The following SLC7A6OS variants were observed in gnomAD, a reference collection of about 807,000 sequenced individuals.
The protein encoded by SLC7A6OS is solute carrier family 7 member 6 opposite strand.
A neutral mutation model predicts 34.3 loss-of-function variants in SLC7A6OS; 22 were observed. The ratio of observed to expected loss-of-function variants is 0.64; its 90% CI spans 0.46 to 0.92. SLC7A6OS has a LOEUF of 0.92. Among genes scored for constraint, SLC7A6OS ranks in the 40% least tolerant of loss-of-function variants. The pLI, the probability that SLC7A6OS is intolerant of heterozygous loss-of-function variation, is 0.00. For missense variants in SLC7A6OS, 434 were observed against 407.7 expected (o/e 1.06, Z -0.56); for synonymous variants, 199 against 165.0 (o/e 1.21, Z -1.58).
rs766418541 is a variant in SLC7A6OS at position 68,302,461 on chromosome 16, T to A, written c.719A>T (p.Glu240Val). The change falls in exon 4 of 5, where the codon GAA (glutamate) becomes GTA (valine). Residue 240 changes from glutamate (E) to valine (V), a missense_variant. Physicochemically the swap from Glu to Val is moderately radical, Grantham distance 121. Coordinates refer to ENST00000263997, the MANE Select transcript of SLC7A6OS (RefSeq NM_032178.3). ...DQEPEDIYDD[E>V]DDENSENNWR... ...GTTATTCTCACTGTTCTCGTCATCT[T>A]CATCGTCGTAAATGTCCTCTGGTTC... 6.2e-7 allele frequency: 1 copy of A among 1,614,204 alleles called. No individual in the cohort carries two copies. The highest frequency in any genetic ancestry group is 8.5e-7 in the Non-Finnish European group (1 of 1,180,030).
chr16:68,309,031 A>G (rs1209221200), intron 2 of SLC7A6OS, among the ~76,000 whole-genome samples: 1 of 151,208 alleles, frequency 6.6e-6, no homozygotes, highest in Non-Finnish European at 1.5e-5. Context: ...TAGCCTGGGC[A>G]ACAGAGTGAG....
At chr16:68,304,310 G>A in intron 2 of SLC7A6OS, 78 bp from the exon 3 acceptor site, 1 of 1,310,582 alleles carries the variant, frequency 7.6e-7, no homozygotes, top group Non-Finnish European at 1.1e-6. Flanking sequence ...TATGAGTTGG[G>A]TGAAGGAAGG....
chr16:68,300,861 C>G lies in SLC7A6OS; in HGVS notation c.*414G>C, dbSNP rs746275708. On this transcript the variant is annotated 3_prime_UTR_variant, in exon 5 of 5. Coordinates refer to ENST00000263997, the MANE Select transcript of SLC7A6OS (RefSeq NM_032178.3). ...CCCTTTTAGATTCTATCAAAAGGAA[C>G]AGGGTTTTCCTAGAGGCAGGCAGCC... The G allele has an allele frequency of 3.0e-6, 3 of 988,688 alleles. No homozygotes were observed. The highest frequency in any genetic ancestry group is 3.6e-6 in the Non-Finnish European group (3 of 832,220). 61.2% of individuals were successfully genotyped at this position (988,688 alleles called of 1,614,324 possible).
intron 2 of SLC7A6OS, among the ~76,000 whole-genome samples, chr16:68,309,724 A>G (rs1373160034): frequency 6.6e-6 from 1 of 152,128 alleles, no homozygotes; most frequent in East Asian, 1.9e-4. Context: ...CTCTTTGATC[A>G]ATTTTCCTAC....
intron 3 of SLC7A6OS, 102 bp downstream of exon 3, chr16:68,303,924 A>C: frequency 1.9e-6 from 2 of 1,051,838 alleles, no homozygotes; most frequent in Non-Finnish European, 2.8e-6. Context: ...AAAAGAACTA[A>C]GGACAATGTT....
Position 68,310,422 on chromosome 16 carries a change from T to C in SLC7A6OS, c.384A>G (p.Pro128=). 1.2e-6 allele frequency: 2 copies of C among 1,609,928 alleles called. No homozygotes were observed. The highest frequency in any genetic ancestry group is 1.1e-5 in the South Asian group (1 of 90,352). ...GQESEYTPGN[P]EAAGNSGFQL... ...GAAAGCCCGAGTTCCCGGCGGCTTCTGGGTTCCCCGGCGTGTACTCGGACT... is the reference window on the plus strand; with the variant it reads ...GAAAGCCCGAGTTCCCGGCGGCTTCCGGGTTCCCCGGCGTGTACTCGGACT... The change falls in exon 2 of 5, where the codon CCA becomes CCG. Residue 128 remains proline (P), a synonymous_variant. Coordinates refer to ENST00000263997, the MANE Select transcript of SLC7A6OS (RefSeq NM_032178.3).
In SLC7A6OS at chr16:68,300,136, G is replaced by C. The variant is rs942754079; in HGVS notation, c.*1139C>G. On this transcript the variant is annotated 3_prime_UTR_variant, in exon 5 of 5. Coordinates refer to ENST00000263997, the MANE Select transcript of SLC7A6OS (RefSeq NM_032178.3). ...TTTCCTTAGACCTGTGGTGTCCGCT[G>C]CAACAGCTACTAGCCACGTGTAGCT... The C allele has an allele frequency of 2.0e-5, 3 of 152,194 alleles. No individual in the cohort carries two copies. The highest frequency in any genetic ancestry group is 4.8e-5 in the African/African-American group (2 of 41,448). 9.4% of individuals were successfully genotyped at this position (152,194 alleles called of 1,614,324 possible). A position where few individuals can be genotyped will look rare whatever the true frequency, so the allele number is the denominator to read the frequency against.
intron 2 of SLC7A6OS, 68 bp downstream of exon 2, chr16:68,310,267 G>C: frequency 6.8e-7 from 1 of 1,473,084 alleles, no homozygotes; most frequent in Non-Finnish European, 9.1e-7. Flanking sequence ...ACTGTGCTGC[G>C]ACTGGGCCCA....
chr16:68,306,002 C>T (rs1039266727), intron 2 of SLC7A6OS, among the ~76,000 whole-genome samples: 1 of 152,086 alleles, frequency 6.6e-6, no homozygotes, highest in African/African-American at 2.4e-5. Flanking sequence ...CTGCACCGAG[C>T]CGTGATCATG....
At chr16:68,306,403 G>C (rs1381720039) in intron 2 of SLC7A6OS, among the ~76,000 whole-genome samples, 1 of 151,986 alleles carries the variant, frequency 6.6e-6, no homozygotes, top group Non-Finnish European at 1.5e-5. Context: ...ATTTTTAGTA[G>C]AGACCGGGTT....
chr16:68,299,167 TTC>T lies in SLC7A6OS; in HGVS notation c.*2106_*2107del, dbSNP rs2043226034. The T allele has an allele frequency of 6.6e-6, 1 of 152,616 alleles. No homozygotes were observed. The highest frequency in any genetic ancestry group is 1.5e-5 in the Non-Finnish European group (1 of 68,030). The allele number at this position is 152,616 out of a possible 1,614,324, so 9.5% of individuals were successfully genotyped here. ...CTTGCCTGAACGCTAAGAACATGAC[TTC>T]TGTCTGAGCTAAGCTGGCACCCATC... On this transcript the variant is annotated 3_prime_UTR_variant, in exon 5 of 5. Coordinates refer to ENST00000263997, the MANE Select transcript of SLC7A6OS (RefSeq NM_032178.3).
rs2043245799 is a variant in SLC7A6OS at position 68,300,194 on chromosome 16, C to G, written c.*1081G>C. On this transcript the variant is annotated 3_prime_UTR_variant, in exon 5 of 5. Coordinates refer to ENST00000263997, the MANE Select transcript of SLC7A6OS (RefSeq NM_032178.3). ...TTAAAATGAAATAAAATTAAAAGCT[C>G]AGTTTCTCAGTTGCGCTAATCACAT... The G allele has an allele frequency of 6.6e-6, 1 of 152,194 alleles. No individual in the cohort carries two copies. The highest frequency in any genetic ancestry group is 6.5e-5 in the Admixed American group (1 of 15,282). 9.4% of individuals were successfully genotyped at this position (152,194 alleles called of 1,614,324 possible).
rs763584292 is a variant in SLC7A6OS, at chr16:68,302,419, G to A, written c.761C>T (p.Pro254Leu). 7 of 1,613,982 alleles carry A rather than the reference G, an allele frequency of 4.3e-6. No individual in the cohort carries two copies. The highest frequency in any genetic ancestry group is 1.3e-5 in the African/African-American group (1 of 74,896). Residue 254 changes from proline to leucine, a missense_variant, in exon 4 of 5, where the codon CCA (proline) becomes CTA (leucine). By Grantham distance (98) the Pro-to-Leu change is moderately conservative. Transcript: ENST00000263997. ...NSENNWRNEY[P>L]EEESSDGDED... ...ATCTCCATCACTGCTCTCCTCCTCT[G>A]GGTACTCATTGCGCCAGTTATTCTC...
chr16:68,303,777 A>C, intron 3 of SLC7A6OS: 1 of 504,548 alleles, frequency 2.0e-6, no homozygotes, highest in Non-Finnish European at 3.6e-6. Context: ...ATAAACAATA[A>C]AGGTGATGTT....
In SLC7A6OS at chr16:68,310,436, T is replaced by G. The variant is rs1378643003; in HGVS notation, c.370A>C (p.Thr124Pro). ...TTSSGQESEYTPGNPEAAGNS... is the reference protein window; with the variant it reads ...TTSSGQESEYPPGNPEAAGNS... ...CCGGCGGCTTCTGGGTTCCCCGGCG[T>G]GTACTCGGACTCCTGGCCGCTCGAG... Residue 124 changes from threonine to proline, a missense_variant, in exon 2 of 5, where the codon ACG (threonine) becomes CCG (proline). Coordinates refer to ENST00000263997, the MANE Select transcript of SLC7A6OS (RefSeq NM_032178.3). 6.2e-7 allele frequency: 1 copy of G among 1,607,156 alleles called. No homozygotes were observed. The highest frequency in any genetic ancestry group is 1.7e-5 in the Admixed American group (1 of 59,172).
intron 2 of SLC7A6OS, among the ~76,000 whole-genome samples, chr16:68,308,294 A>T (rs1239830589): frequency 6.6e-6 from 1 of 152,174 alleles, no homozygotes; most frequent in Non-Finnish European, 1.5e-5. Flanking sequence ...TTTTGGTGAA[A>T]GATGTGGCTA....
rs556510060 is a variant in SLC7A6OS at position 68,310,434 on chromosome 16, C to T, written c.372G>A (p.Thr124=). 2 of 1,607,464 alleles carry T rather than the reference C, an allele frequency of 1.2e-6. No individual in the cohort carries two copies. The highest frequency in any genetic ancestry group is 1.1e-5 in the South Asian group (1 of 90,038). Reference sequence around the variant, plus strand: ...TCCCGGCGGCTTCTGGGTTCCCCGGCGTGTACTCGGACTCCTGGCCGCTCG... The same window carrying T: ...TCCCGGCGGCTTCTGGGTTCCCCGGTGTGTACTCGGACTCCTGGCCGCTCG... ...TTSSGQESEY[T]PGNPEAAGNS... Residue 124 remains threonine (T), a synonymous_variant, in exon 2 of 5, where the codon ACG becomes ACA. Transcript: ENST00000263997.
intron 3 of SLC7A6OS, chr16:68,303,602 GAAT>G: frequency 6.2e-6 from 1 of 160,804 alleles, no homozygotes; most frequent in African/African-American, 2.4e-5. Flanking sequence ...AAAAAAAAAA[GAAT>G]AATGTCAGGA....
At position 68,298,774 on chromosome 16, in the gene SLC7A6OS, T is replaced by C. The variant is rs1016950515; in HGVS notation, c.*2501A>G. 1 of 152,360 alleles carries C rather than the reference T, an allele frequency of 6.6e-6. No individual in the cohort carries two copies. The highest frequency in any genetic ancestry group is 2.1e-4 in the South Asian group (1 of 4,828). The allele number at this position is 152,360 out of a possible 1,614,324, so 9.4% of individuals were successfully genotyped here. ...AGGCCTGCTCTGGCCTAATGGATCT[T>C]ACTGTATGAGCAGGACGGCTGCATT... On this transcript the variant is annotated 3_prime_UTR_variant, in exon 5 of 5. Coordinates refer to ENST00000263997, the MANE Select transcript of SLC7A6OS (RefSeq NM_032178.3).
Sources: allele counts gnomAD v4.1 joint callset (sites outside exome capture counted in the v4.1 genomes callset), GRCh38; gene constraint gnomAD v4.1.1; transcripts MANE v1.5; gene names NCBI Gene and HGNC (gene_info 2026-07-23, HGNC 2026-07-21).